WSB2: variants seen among roughly 807,000 people sequenced by gnomAD.
WSB2 encodes the protein WD repeat and SOCS box containing 2.
WSB2 carries 12 observed loss-of-function variants against 48.8 expected under a neutral mutation model. That is an observed-to-expected ratio of 0.25 (90% CI 0.16 to 0.40). WSB2 has a LOEUF of 0.40. Ranked by LOEUF, WSB2 falls within the 10% of genes least tolerant of loss-of-function variation. The pLI is 1.00. For missense variants in WSB2, 317 were observed against 506.2 expected, an observed-to-expected ratio of 0.63 and a Z score of 3.59; for synonymous variants, 191 against 203.1, an observed-to-expected ratio of 0.94 and a Z score of 0.51.
rs2031438046 is a variant in WSB2, at chr12:118,033,907, A to C, written c.*289T>G. ...AACATCAGTAACTGCACTTTGAATC[A>C]AAACAAGCAGAAAGAGTTCAACACT... is the stretch of plus-strand genomic sequence containing the variant. On this transcript the variant is annotated 3_prime_UTR_variant, in exon 9 of 9. Transcript: ENST00000315436. 1 of 382,684 alleles carries C rather than the reference A, an allele frequency of 2.6e-6. No homozygotes were observed. The highest frequency in any genetic ancestry group is 3.8e-5 in the Admixed American group (1 of 26,282). The allele number at this position is 382,684 out of a possible 1,614,324, so 23.7% of individuals were successfully genotyped here.
chr12:118,052,544 A>G (rs1215463804), intron 1 of WSB2, 66 bp from the exon 2 acceptor site: 5 of 1,598,508 alleles, frequency 3.1e-6, no homozygotes, highest in Non-Finnish European at 4.3e-6. Flanking sequence ...AGACACAGGA[A>G]AGCCACTGTC....
intron 1 of WSB2, among the ~76,000 whole-genome samples, chr12:118,054,497 C>A (rs909907779): frequency 4.0e-5 from 6 of 151,688 alleles, no homozygotes; most frequent in African/African-American, 1.5e-4. Flanking sequence ...ATGGAGAAAC[C>A]CCATCTCTAC....
chr12:118,037,230 A>G (rs1421789571), intron 5 of WSB2, among the ~76,000 whole-genome samples: 1 of 152,174 alleles, frequency 6.6e-6, no homozygotes, highest in Non-Finnish European at 1.5e-5. Context: ...CCCACAAAGT[A>G]GTGGCAGGCT....
intron 4 of WSB2, among the ~76,000 whole-genome samples, chr12:118,039,718 T>A (rs1329914885): frequency 6.6e-6 from 1 of 152,056 alleles, no homozygotes; most frequent in Non-Finnish European, 1.5e-5. Flanking sequence ...GATGTATGGA[T>A]CCACAAAAAT....
rs1346702416 is a variant in WSB2 at position 118,035,285 on chromosome 12, G to A, written c.873C>T (p.Val291=). The change falls in exon 7 of 9, where the codon GTC becomes GTT. Residue 291 remains valine, a synonymous_variant. Coordinates refer to ENST00000315436, the MANE Select transcript of WSB2 (RefSeq NM_018639.5). ...QVDPAMDDSD[V]HISSLRSVCF... is the part of the protein sequence containing the mutation. ...ACACAGATCTCAGTGAGCTAATGTG[G>A]ACGTCACTGTCATCCATGGCGGGGT... 12 of 1,614,104 alleles carry A rather than the reference G, an allele frequency of 7.4e-6. No homozygotes were observed. The highest frequency in any genetic ancestry group is 1.0e-5 in the Non-Finnish European group (12 of 1,180,052).
intron 2 of WSB2, among the ~76,000 whole-genome samples, chr12:118,049,618 G>C (rs2137788304): frequency 6.6e-6 from 1 of 152,220 alleles, no homozygotes; most frequent in South Asian, 2.1e-4. Context: ...GGCCAGACTA[G>C]TCTCAAACTC....
chr12:118,034,817 A>G, intron 8 of WSB2, 169 bp downstream of exon 8: 1 of 635,312 alleles, frequency 1.6e-6, no homozygotes, highest in South Asian at 2.2e-5. Context: ...TTCAGAGAAA[A>G]TGGGACACCG....
chr12:118,054,546 T>C (rs2031917601), intron 1 of WSB2, among the ~76,000 whole-genome samples: 1 of 151,950 alleles, frequency 6.6e-6, no homozygotes, highest in African/African-American at 2.4e-5. Context: ...GGCGCATGCC[T>C]GTAATCCCAG....
chr12:118,055,184 G>A (rs1451037718), intron 1 of WSB2, among the ~76,000 whole-genome samples: 1 of 152,098 alleles, frequency 6.6e-6, no homozygotes, highest in Non-Finnish European at 1.5e-5. Flanking sequence ...TAGACCCAGG[G>A]TTCTCAACTG....
chr12:118,037,991 C>T, intron 5 of WSB2: 1 of 256,870 alleles, frequency 3.9e-6, no homozygotes, highest in Non-Finnish European at 7.4e-6. Flanking sequence ...TGGGCTGCAA[C>T]TTTTAAAATC....
Position 118,043,202 on chromosome 12 carries a change from C to T in WSB2, c.358G>A (p.Asp120Asn), listed in dbSNP as rs113350351. Residue 120 changes from aspartate to asparagine, a missense_variant, in exon 3 of 9, where the codon GAT becomes AAT. Coordinates refer to ENST00000315436, the MANE Select transcript of WSB2 (RefSeq NM_018639.5). ...GTAGCAAGAACCAGGCAAGAGACATCGGGCACTTGGGGGTGGTGGCGTGCC... is the reference window on the plus strand; with the variant it reads ...GTAGCAAGAACCAGGCAAGAGACATTGGGCACTTGGGGGTGGTGGCGTGCC... ...LWARHHPQVP[D>N]VSCLVLATGL... is the part of the protein sequence containing the mutation. 3.9e-3 allele frequency: 6,288 copies of T among 1,614,234 alleles called. 29 individuals are homozygous for T. The highest frequency in any genetic ancestry group is 0.019 in the Middle Eastern group (117 of 6,062).
intron 1 of WSB2, among the ~76,000 whole-genome samples, chr12:118,058,697 C>T (rs946627646): frequency 7.0e-6 from 1 of 142,778 alleles, no homozygotes; most frequent in African/African-American, 2.6e-5. Flanking sequence ...ATATTTTCTT[C>T]TTCTTTTTTT....
chr12:118,061,242 G>T (rs1054212299), upstream of WSB2: 24 of 956,932 alleles, frequency 2.5e-5, no homozygotes, highest in African/African-American at 2.1e-4. Flanking sequence ...GGAAACGGAG[G>T]GGGGGTGCGG....
chr12:118,053,672 T>G (rs906826459), intron 1 of WSB2, among the ~76,000 whole-genome samples: 1 of 152,200 alleles, frequency 6.6e-6, no homozygotes, highest in Admixed American at 6.6e-5. Flanking sequence ...TCTACTCTGA[T>G]GGAAGATTCT....
chr12:118,050,209 A>G (rs561747684), intron 2 of WSB2, among the ~76,000 whole-genome samples: 1 of 152,262 alleles, frequency 6.6e-6, no homozygotes, highest in East Asian at 1.9e-4. Context: ...GAAACTACGC[A>G]ACCAAGGCTG....
intron 2 of WSB2, 74 bp from the exon 3 acceptor site, chr12:118,043,451 A>G: frequency 6.6e-7 from 1 of 1,505,656 alleles, no homozygotes; most frequent in Non-Finnish European, 8.8e-7. Context: ...TGGGACACGT[A>G]AGACTTTTGG....
intron 2 of WSB2, among the ~76,000 whole-genome samples, chr12:118,047,500 TA>T (rs1317191820): frequency 6.6e-6 from 1 of 152,230 alleles, no homozygotes; most frequent in Non-Finnish European, 1.5e-5. Context: ...ACATGATTTT[TA>T]AAAAATGTAT....
intron 4 of WSB2, among the ~76,000 whole-genome samples, chr12:118,039,055 C>T (rs968362670): frequency 7.9e-5 from 12 of 152,072 alleles, no homozygotes; most frequent in Admixed American, 6.5e-4. Flanking sequence ...AGCATCATTC[C>T]CAATTTTAAG....
intron 2 of WSB2, among the ~76,000 whole-genome samples, chr12:118,049,297 C>T (rs187833731): frequency 2.6e-5 from 4 of 152,206 alleles, no homozygotes; most frequent in South Asian, 2.1e-4. Context: ...GTAAAATTTT[C>T]GTAACCATCC....
Sources: allele counts gnomAD v4.1 joint callset (sites outside exome capture counted in the v4.1 genomes callset), GRCh38; gene constraint gnomAD v4.1.1; transcripts MANE v1.5; gene names NCBI Gene and HGNC (gene_info 2026-07-23, HGNC 2026-07-21).